The following LGI1 variants were observed in gnomAD, a reference collection of about 807,000 sequenced individuals.
LGI1 encodes leucine rich glioma inactivated 1.
LGI1 carries 11 observed loss-of-function variants against 57.7 expected under a neutral mutation model. That is an observed-to-expected ratio of 0.19 (90% CI 0.12 to 0.32). The LOEUF (loss-of-function observed/expected upper bound fraction) is 0.32, where lower values mean the gene tolerates loss of function less well. Ranked by LOEUF, LGI1 falls within the 10% of genes least tolerant of loss-of-function variation. The probability of loss-of-function intolerance (pLI) is 1.00; values close to 1 mark genes in which losing one functional copy is unlikely to be tolerated. For synonymous variants in LGI1, 222 were observed against 241.9 expected, an observed-to-expected ratio of 0.92 and a Z score of 0.76; for missense variants, 422 against 661.9, an observed-to-expected ratio of 0.64 and a Z score of 3.98.
chr10:93,761,134 T>G (rs1470403033), intron 2 of LGI1, among the ~76,000 whole-genome samples: 1 of 152,104 alleles, frequency 6.6e-6, no homozygotes, highest in East Asian at 1.9e-4. Context: ...TATGAAACGA[T>G]CATAACAATT....
intron 4 of LGI1, chr10:93,788,677 T>C (rs2059909914): frequency 6.6e-6 from 1 of 152,198 alleles, no homozygotes; most frequent in Non-Finnish European, 1.5e-5. Flanking sequence ...CCAAGGTTCA[T>C]TGAGAACCAT....
intron 2 of LGI1, among the ~76,000 whole-genome samples, chr10:93,772,259 T>C (rs12258847): frequency 0.081 from 12,332 of 152,182 alleles, 1,165 homozygotes; most frequent in African/African-American, 0.23. Context: ...TATGGTCAGA[T>C]AGGCATTTCC....
At chr10:93,778,097 A>C (rs1193802488) in intron 4 of LGI1, among the ~76,000 whole-genome samples, 4 of 152,348 alleles carry the variant, frequency 2.6e-5, no homozygotes, top group Middle Eastern at 3.4e-3. Context: ...TGTTCTTAAC[A>C]GGGAACAATT....
intron 2 of LGI1, among the ~76,000 whole-genome samples, chr10:93,759,496 GA>G (rs2059601318): frequency 6.6e-6 from 1 of 152,152 alleles, no homozygotes; most frequent in Non-Finnish European, 1.5e-5. Flanking sequence ...ATTTGACTAA[GA>G]AATCAGATCT....
intron 2 of LGI1, among the ~76,000 whole-genome samples, chr10:93,765,899 G>A (rs2059670416): frequency 6.6e-6 from 1 of 150,652 alleles, no homozygotes; most frequent in Non-Finnish European, 1.5e-5. Flanking sequence ...GAACCCAGGA[G>A]GCGGAGCTTG....
At chr10:93,796,549 T>C (rs564860230) in intron 7 of LGI1, among the ~76,000 whole-genome samples, 1 of 152,332 alleles carries the variant, frequency 6.6e-6, no homozygotes, top group East Asian at 1.9e-4. Context: ...TATTTATCTC[T>C]TAAGATTGTT....
intron 2 of LGI1, among the ~76,000 whole-genome samples, chr10:93,775,248 A>G: frequency 6.6e-6 from 1 of 152,154 alleles, no homozygotes; most frequent in East Asian, 1.9e-4. Flanking sequence ...CTTGCCTCCA[A>G]GGGTAACCAC....
rs2059802622 is a variant in LGI1 at position 93,777,177 on chromosome 10, AC to A, written c.288-198del. ...CATTGTGAGGAATCGGGCACCAGGCACCCCTTGATGAGCCTTTGATGAGGAG... is the reference window on the plus strand; with the variant it reads ...CATTGTGAGGAATCGGGCACCAGGCACCCTTGATGAGCCTTTGATGAGGAG... On this transcript the variant is annotated intron_variant, in intron 2 of 7. Transcript: ENST00000371418. 22 of 627,258 alleles carry A rather than the reference AC, an allele frequency of 3.5e-5. No homozygotes were observed. In the South Asian group the frequency reaches 4.2e-4, roughly 12 times the overall value. 38.9% of individuals were successfully genotyped at this position (627,258 alleles called of 1,614,324 possible). A position where few individuals can be genotyped will look rare whatever the true frequency, so the allele number is the denominator to read the frequency against.
intron 2 of LGI1, chr10:93,764,428 A>C (rs562605772): frequency 3.9e-5 from 6 of 152,184 alleles, no homozygotes; most frequent in East Asian, 1.9e-4. Flanking sequence ...ATTTTGTTCA[A>C]AATGAGATTC....
intron 4 of LGI1, among the ~76,000 whole-genome samples, chr10:93,783,535 C>T (rs1343866351): frequency 3.3e-5 from 5 of 152,118 alleles, no homozygotes; most frequent in Admixed American, 3.3e-4. Context: ...GAGGGTCCTT[C>T]CTGAGGTGGG....
chr10:93,784,137 T>C (rs1218062064), intron 4 of LGI1, among the ~76,000 whole-genome samples: 2 of 152,190 alleles, frequency 1.3e-5, no homozygotes, highest in Admixed American at 1.3e-4. Flanking sequence ...AGAATTATCC[T>C]AGAAATAAAA....
Position 93,779,443 on chromosome 10 carries a change from GA to G in LGI1, c.431+1827del, listed in dbSNP as rs1412237265. On this transcript the variant is annotated intron_variant, in intron 4 of 7. Coordinates refer to ENST00000371418, the MANE Select transcript of LGI1 (RefSeq NM_005097.4). Reference sequence around the variant, plus strand: ...GAGGGAGCGAGGGAGGGAGGGAGGGGAGGGGAGGGGAAAGGAGGGAAGGAAG... The same window carrying G: ...GAGGGAGCGAGGGAGGGAGGGAGGGGGGGGAGGGGAAAGGAGGGAAGGAAG... Among the ~76,000 whole-genome samples, 7 of 132,896 alleles carry G rather than the reference GA, an allele frequency of 5.3e-5. No individual in the cohort carries two copies. The East Asian group carries it at 1.8e-3, about 35-fold the overall frequency. 87.2% of individuals were successfully genotyped at this position (132,896 alleles called of 152,430 possible). A position where few individuals can be genotyped will look rare whatever the true frequency, so the allele number is the denominator to read the frequency against.
chr10:93,781,227 T>C (rs533612341), intron 4 of LGI1, among the ~76,000 whole-genome samples: 6 of 151,864 alleles, frequency 4.0e-5, no homozygotes, highest in East Asian at 3.9e-4. Context: ...GGCGTGGTGG[T>C]GGGCGCCTGT....
rs1408797350 is a variant in LGI1 at position 93,758,115 on chromosome 10, G to C, written c.-30G>C. 6.3e-7 allele frequency: 1 copy of C among 1,599,762 alleles called. No homozygotes were observed. The highest frequency in any genetic ancestry group is 2.2e-5 in the East Asian group (1 of 44,816). Reference sequence around the variant, plus strand: ...TCACCATCTGAATTCCAGAAGCCCTGTTCATGGTTGGGGATATTTTCTCGA... The same window carrying C: ...TCACCATCTGAATTCCAGAAGCCCTCTTCATGGTTGGGGATATTTTCTCGA... On this transcript the variant is annotated 5_prime_UTR_variant, in exon 1 of 8. Transcript: ENST00000371418. This position sits in a 1 kb window ranked among gnomAD's most constrained non-coding sequence, Gnocchi z 4.7.
intron 5 of LGI1, chr10:93,792,022 C>G (rs1013818219): frequency 6.6e-6 from 1 of 152,370 alleles, no homozygotes; most frequent in African/African-American, 2.4e-5. Context: ...CACTGAGCAC[C>G]TAAAATGTGC....
In LGI1 at chr10:93,798,088, T is replaced by A. The variant is rs1040267379; in HGVS notation, c.*285T>A. The A allele has an allele frequency of 9.2e-6, 4 of 435,434 alleles. No homozygotes were observed. The Admixed American group carries it at 1.6e-4, about 18-fold the overall frequency. The allele number at this position is 435,434 out of a possible 1,614,324, so 27.0% of individuals were successfully genotyped here. A position where few individuals can be genotyped will look rare whatever the true frequency, so the allele number is the denominator to read the frequency against. On this transcript the variant is annotated 3_prime_UTR_variant, in exon 8 of 8. Coordinates refer to ENST00000371418, the MANE Select transcript of LGI1 (RefSeq NM_005097.4). ...GTTACTCCAAAAAGAAATATTAATATGTACTTTTCCATTTATTTATTCATG... is the reference window on the plus strand; with the variant it reads ...GTTACTCCAAAAAGAAATATTAATAAGTACTTTTCCATTTATTTATTCATG...
At position 93,758,128 on chromosome 10, in the gene LGI1, G is replaced by A. The variant is rs780231085; in HGVS notation, c.-17G>A. ...TCCAGAAGCCCTGTTCATGGTTGGG[G>A]ATATTTTCTCGACTGCATGGAATCA... On this transcript the variant is annotated 5_prime_UTR_variant, in exon 1 of 8. Transcript: ENST00000371418. This position sits in a 1 kb window ranked among gnomAD's most constrained non-coding sequence, Gnocchi z 4.7. The A allele has an allele frequency of 3.7e-6, 6 of 1,611,004 alleles. No homozygotes were observed. In the South Asian group the frequency reaches 5.5e-5, roughly 15 times the overall value.
rs764098266 is a variant in LGI1 at position 93,777,648 on chromosome 10, G to A, written c.431+31G>A. ...TATGAATGTTGCTATTACTTTTTAAGCTTGCTAATGGACAATGCAGTTTGA... is the reference window on the plus strand; with the variant it reads ...TATGAATGTTGCTATTACTTTTTAAACTTGCTAATGGACAATGCAGTTTGA... On this transcript the variant is annotated intron_variant, in intron 4 of 7. Coordinates refer to ENST00000371418, the MANE Select transcript of LGI1 (RefSeq NM_005097.4). The A allele has an allele frequency of 1.8e-5, 28 of 1,540,526 alleles. No homozygotes were observed. In the Admixed American group the frequency reaches 4.4e-4, roughly 24 times the overall value.
intron 6 of LGI1, 56 bp downstream of exon 6, chr10:93,792,968 T>C: frequency 6.5e-7 from 1 of 1,546,166 alleles, no homozygotes; most frequent in Non-Finnish European, 8.9e-7. Context: ...CTACCTTTTT[T>C]TTTCATGTGC....
Sources: allele counts gnomAD v4.1 joint callset (sites outside exome capture counted in the v4.1 genomes callset), GRCh38; gene constraint gnomAD v4.1.1; non-coding constraint Gnocchi (gnomAD v3.1); transcripts MANE v1.5; gene names NCBI Gene and HGNC (gene_info 2026-07-23, HGNC 2026-07-21).